The following PAX8 variants were observed in gnomAD, a reference collection of about 807,000 sequenced individuals.
PAX8 encodes the protein paired box protein Pax-8.
A neutral mutation model predicts 52.4 loss-of-function variants in PAX8; 15 were observed. That is an observed-to-expected ratio of 0.29 (90% CI 0.19 to 0.44). The LOEUF (loss-of-function observed/expected upper bound fraction) is 0.44. Ranked by LOEUF, PAX8 falls within the 20% of genes least tolerant of loss-of-function variation. The pLI is 1.00. For missense variants in PAX8, 554 were observed against 602.5 expected, an observed-to-expected ratio of 0.92 and a Z score of 0.84; for synonymous variants, 284 against 249.7, an observed-to-expected ratio of 1.14 and a Z score of -1.29.
At chr2:113,248,954 G>C (rs932106820) in intron 2 of PAX8, among the ~76,000 whole-genome samples, 1 of 151,660 alleles carries the variant, frequency 6.6e-6, no homozygotes, top group African/African-American at 2.4e-5. Flanking sequence ...CAACAAGAGC[G>C]AAATTCCGTC....
intron 11 of PAX8, 123 bp from the exon 12 acceptor site, chr2:113,218,732 A>G (rs1689113028): frequency 1.7e-6 from 1 of 603,734 alleles, no homozygotes; most frequent in Admixed American, 2.8e-5. Flanking sequence ...TCTCTGGCCT[A>G]TCTGATCATC....
At position 113,244,432 on chromosome 2, in the gene PAX8, A is replaced by G; in HGVS notation, c.384T>C (p.Ile128=). The change falls in exon 4 of 12, where the codon ATT becomes ATC. Residue 128 remains isoleucine, a synonymous_variant. Coordinates refer to ENST00000429538, the MANE Select transcript of PAX8 (RefSeq NM_003466.4). ...DNDTVPSVSS[I]NRIIRTKVQQ... ...GAGGCTGCTTTCTCTCTTACCTATT[A>G]ATGGAGCTGACACTGGGCACAGTGT... 6.2e-7 allele frequency: 1 copy of G among 1,612,076 alleles called. No homozygotes were observed. Among genetic ancestry groups the G allele is most frequent in the Non-Finnish European group, 8.5e-7 (1 of 1,178,422 alleles).
At chr2:113,241,524 T>G in intron 7 of PAX8, 27 bp downstream of exon 7, 2 of 1,582,768 alleles carry the variant, frequency 1.3e-6, no homozygotes, top group Non-Finnish European at 1.7e-6. Context: ...GCCCACCCTG[T>G]TCACCTCCCA....
intron 2 of PAX8, among the ~76,000 whole-genome samples, chr2:113,262,884 C>T (rs1487496367): frequency 6.6e-6 from 1 of 152,190 alleles, no homozygotes; most frequent in Admixed American, 6.5e-5. Context: ...TTTTGGCTTC[C>T]AGAACTGTGA....
At chr2:113,257,249 C>T (rs1267150920) in intron 2 of PAX8, among the ~76,000 whole-genome samples, 3 of 152,150 alleles carry the variant, frequency 2.0e-5, no homozygotes, top group African/African-American at 7.2e-5. Context: ...ATAATCCCAG[C>T]TCCTTCTTTC....
Position 113,246,813 on chromosome 2 carries a change from G to C in PAX8, c.132C>G (p.Pro44=). ...IVDLAHQGVR[P]CDISRQLRVS... is the part of the protein sequence containing the mutation. ...CGCGGAGCTGGCGAGAGATGTCGCA[G>C]GGCCTTACACCCTGGTGGGCCAGGT... The change falls in exon 3 of 12, where the codon CCC becomes CCG. Residue 44 remains proline (P), a synonymous_variant. Coordinates refer to ENST00000429538, the MANE Select transcript of PAX8 (RefSeq NM_003466.4). 1 of 1,614,228 alleles carries C rather than the reference G, an allele frequency of 6.2e-7. No individual in the cohort carries two copies. Among genetic ancestry groups the C allele is most frequent in the East Asian group, 2.2e-5 (1 of 44,882 alleles).
At chr2:113,236,417 C>T (rs1181868095) in intron 8 of PAX8, 184 bp downstream of exon 8, 4 of 557,886 alleles carry the variant, frequency 7.2e-6, no homozygotes, top group South Asian at 4.6e-5. Context: ...GGAGGCGCGA[C>T]CCCTCGGCCC....
At chr2:113,244,773 T>A (rs1435180108) in intron 3 of PAX8, 149 bp from the exon 4 acceptor site, 1 of 744,922 alleles carries the variant, frequency 1.3e-6, no homozygotes, top group Non-Finnish European at 2.3e-6. Flanking sequence ...AAACGCTTGA[T>A]GTGCATGGAA....
chr2:113,237,681 G>T (rs1690479178), intron 7 of PAX8: 1 of 152,156 alleles, frequency 6.6e-6, no homozygotes, highest in South Asian at 2.1e-4. Flanking sequence ...TTTAACTAAA[G>T]GTAAGTGTAC....
intron 3 of PAX8, among the ~76,000 whole-genome samples, chr2:113,245,053 T>TG (rs1691200350): frequency 6.8e-6 from 1 of 147,142 alleles, no homozygotes; most frequent in African/African-American, 2.4e-5. Flanking sequence ...TTGTTTTTTT[T>TG]TTTTGTTTTT....
At chr2:113,252,162 TGC>T (rs1208869074) in intron 2 of PAX8, among the ~76,000 whole-genome samples, 1 of 152,254 alleles carries the variant, frequency 6.6e-6, no homozygotes, top group East Asian at 1.9e-4. Context: ...TGGGGCTTTT[TGC>T]TTTAGTCCCA....
At chr2:113,256,656 A>G (rs11890300) in intron 2 of PAX8, among the ~76,000 whole-genome samples, 926 of 77,384 alleles carry the variant, frequency 0.012, 8 homozygotes, top group African/African-American at 0.025. Context: ...GTGTGTGTGT[A>G]TATATATATA....
Position 113,244,525 on chromosome 2 carries a change from G to A in PAX8, c.291C>T (p.Arg97=), listed in dbSNP as rs1198350966. 2 of 1,614,180 alleles carry A rather than the reference G, an allele frequency of 1.2e-6. No homozygotes were observed. The highest frequency in any genetic ancestry group is 1.1e-5 in the South Asian group (1 of 91,078). Residue 97 remains arginine, a synonymous_variant, in exon 4 of 12, where the codon CGC becomes CGT. Coordinates refer to ENST00000429538, the MANE Select transcript of PAX8 (RefSeq NM_003466.4). ...CCCAGGCAAACATGGTAGGGTTCTG[G>A]CGTTTGTAGTCCCCAATCTTCTCCA... ...KVVEKIGDYK[R]QNPTMFAWEI... is the part of the protein sequence containing the mutation.
chr2:113,264,495 T>C (rs905904652), intron 2 of PAX8, among the ~76,000 whole-genome samples: 1 of 152,232 alleles, frequency 6.6e-6, no homozygotes, highest in Admixed American at 6.5e-5. Context: ...GCAAGTTGCA[T>C]CAACCAAGGA....
chr2:113,256,626 A>G (rs1311696848), intron 2 of PAX8, among the ~76,000 whole-genome samples: 8 of 96,442 alleles, frequency 8.3e-5, no homozygotes, highest in African/African-American at 3.9e-4. Flanking sequence ...GTATATATAT[A>G]TATATGTGTG....
chr2:113,235,279 G>T, intron 9 of PAX8, 115 bp downstream of exon 9: 1 of 856,766 alleles, frequency 1.2e-6, no homozygotes, highest in Non-Finnish European at 1.8e-6. Context: ...AGGAATTAGG[G>T]AACAGGGTGG....
At position 113,216,543 on chromosome 2, in the gene PAX8, G is replaced by A. The variant is rs1323086871; in HGVS notation, c.*1990C>T. The A allele has an allele frequency of 4.3e-6, 1 of 230,010 alleles. No individual in the cohort carries two copies. Among genetic ancestry groups the A allele is most frequent in the African/African-American group, 2.2e-5 (1 of 45,172 alleles). 14.2% of individuals were successfully genotyped at this position (230,010 alleles called of 1,614,324 possible). A position where few individuals can be genotyped will look rare whatever the true frequency, so the allele number is the denominator to read the frequency against. On this transcript the variant is annotated 3_prime_UTR_variant, in exon 12 of 12. Transcript: ENST00000429538. ...ATGGAGAAGGTCCATGTGGACACCAGACAGCCCCCTGGAGTGCAGAGCCCG... is the reference window on the plus strand; with the variant it reads ...ATGGAGAAGGTCCATGTGGACACCAAACAGCCCCCTGGAGTGCAGAGCCCG...
At chr2:113,228,802 T>TC (rs1195487127) in intron 9 of PAX8, among the ~76,000 whole-genome samples, 2 of 151,500 alleles carry the variant, frequency 1.3e-5, no homozygotes, top group East Asian at 1.9e-4. Context: ...CACCCATCAG[T>TC]CCCCCCCAGG....
At chr2:113,236,774 C>A in intron 7 of PAX8, 53 bp from the exon 8 acceptor site, 1 of 1,536,666 alleles carries the variant, frequency 6.5e-7, no homozygotes, top group Non-Finnish European at 8.7e-7. Context: ...AGCCGACCTT[C>A]CTGCAGACCC....
Sources: allele counts gnomAD v4.1 joint callset (sites outside exome capture counted in the v4.1 genomes callset), GRCh38; gene constraint gnomAD v4.1.1; transcripts MANE v1.5; gene names NCBI Gene and HGNC (gene_info 2026-07-23, HGNC 2026-07-21).